The following ADAM20 variants were observed in gnomAD, a reference collection of about 807,000 sequenced individuals.
ADAM20 encodes disintegrin and metalloproteinase domain-containing protein 20.
For missense variants in ADAM20, 871 were observed against 883.2 expected (o/e 0.99, Z 0.18); for synonymous variants, 305 against 310.2 (o/e 0.98, Z 0.18).
chr14:70,563,430 A>G, the ADAM20 span, among the ~76,000 whole-genome samples: 1 of 152,206 alleles, frequency 6.6e-6, no homozygotes, highest in Non-Finnish European at 1.5e-5. Flanking sequence ...TTTGGACTGA[A>G]ATACCTGTGT....
chr14:70,578,212 T>C, the ADAM20 span, among the ~76,000 whole-genome samples: 1 of 152,166 alleles, frequency 6.6e-6, no homozygotes, highest in Non-Finnish European at 1.5e-5. Flanking sequence ...AAATGATCTT[T>C]GACAAAGTCA....
chr14:70,569,885 C>CAAAAAAAAAAAAA, the ADAM20 span, among the ~76,000 whole-genome samples: 4 of 76,188 alleles, frequency 5.3e-5, no homozygotes, highest in Admixed American at 1.8e-4. Context: ...AGAAAACTAA[C>CAAAAAAAAAAAAA]AAAAAAAAAA....
In ADAM20 at chr14:70,524,630, A is replaced by G; in HGVS notation, c.128T>C (p.Val43Ala). ...CCTGCTGATCACCTTCAAAGGGATCACCACTTCTGGAGAAGTGAAATACTG... is the reference window on the plus strand; with the variant it reads ...CCTGCTGATCACCTTCAAAGGGATCGCCACTTCTGGAGAAGTGAAATACTG... ...PSQYFTSPEV[V>A]IPLKVISRGR... The change falls in exon 2 of 2, where the codon GTG (valine) becomes GCG (alanine). Residue 43 changes from valine (V) to alanine (A), a missense_variant. Coordinates refer to ENST00000256389, the MANE Select transcript of ADAM20 (RefSeq NM_003814.5). 1 of 1,614,008 alleles carries G rather than the reference A, an allele frequency of 6.2e-7. No homozygotes were observed. Among genetic ancestry groups the G allele is most frequent in the East Asian group, 2.2e-5 (1 of 44,882 alleles).
At chr14:70,572,428 T>G in the ADAM20 span, among the ~76,000 whole-genome samples, 1 of 152,096 alleles carries the variant, frequency 6.6e-6, no homozygotes, top group Non-Finnish European at 1.5e-5. Flanking sequence ...CTTCTACCTC[T>G]CACCATATAC....
At chr14:70,558,198 A>G in the ADAM20 span, among the ~76,000 whole-genome samples, 1 of 152,238 alleles carries the variant, frequency 6.6e-6, no homozygotes, top group Non-Finnish European at 1.5e-5. Context: ...TAAGGATAAC[A>G]AAATAGCCAT....
At chr14:70,577,250 A>T in the ADAM20 span, among the ~76,000 whole-genome samples, 2 of 152,350 alleles carry the variant, frequency 1.3e-5, no homozygotes, top group Middle Eastern at 3.4e-3. Context: ...AATTAAACTC[A>T]ATAGTACATA....
the ADAM20 span, among the ~76,000 whole-genome samples, chr14:70,577,885 T>C: frequency 6.6e-6 from 1 of 152,116 alleles, no homozygotes; most frequent in Admixed American, 6.6e-5. Flanking sequence ...TAACTCAAAA[T>C]GGATCAAAGA....
In ADAM20 at chr14:70,524,452, C is replaced by G. The variant is rs780671362; in HGVS notation, c.306G>C (p.Gln102His). 2 of 1,614,040 alleles carry G rather than the reference C, an allele frequency of 1.2e-6. No individual in the cohort carries two copies. Among genetic ancestry groups the G allele is most frequent in the Non-Finnish European group, 1.7e-6 (2 of 1,179,944 alleles). ...AGTAGCAGTCATCCTGGATGAAGGG[C>G]TGATCCTGGAGCAGGGCATGCTGCT... Reference protein sequence around the residue: ...YTEQHALLQDQPFIQDDCYYH... With the variant: ...YTEQHALLQDHPFIQDDCYYH... The change falls in exon 2 of 2, where the codon CAG (glutamine) becomes CAC (histidine). Residue 102 changes from glutamine to histidine, a missense_variant. Coordinates refer to ENST00000256389, the MANE Select transcript of ADAM20 (RefSeq NM_003814.5).
chr14:70,531,868 A>G (rs1883718613), intron 1 of ADAM20, among the ~76,000 whole-genome samples: 2 of 152,268 alleles, frequency 1.3e-5, no homozygotes, highest in South Asian at 2.1e-4. Flanking sequence ...AAATAAATGG[A>G]AAGACATCTC....
intron 1 of ADAM20, 86 bp downstream of exon 1, chr14:70,534,711 A>G (rs1208979314): frequency 6.6e-6 from 1 of 152,238 alleles, no homozygotes; most frequent in Non-Finnish European, 1.5e-5. Flanking sequence ...AATTTCAGTC[A>G]TACAAGATGA....
At chr14:70,570,687 T>C in the ADAM20 span, among the ~76,000 whole-genome samples, 1 of 152,082 alleles carries the variant, frequency 6.6e-6, no homozygotes, top group East Asian at 1.9e-4. Context: ...TTCTACCAAA[T>C]GTTCAAAAAG....
the ADAM20 span, among the ~76,000 whole-genome samples, chr14:70,578,571 G>A: frequency 6.6e-6 from 1 of 152,164 alleles, no homozygotes; most frequent in South Asian, 2.1e-4. Context: ...CAGACTGGGA[G>A]AAATTATTTG....
At chr14:70,571,980 T>A in the ADAM20 span, among the ~76,000 whole-genome samples, 1 of 152,122 alleles carries the variant, frequency 6.6e-6, no homozygotes, top group South Asian at 2.1e-4. Flanking sequence ...AAATTATAGA[T>A]GATACAAACA....
intron 1 of ADAM20, among the ~76,000 whole-genome samples, chr14:70,528,543 G>T (rs1883641133): frequency 6.6e-6 from 1 of 152,184 alleles, no homozygotes; most frequent in Admixed American, 6.5e-5. Flanking sequence ...TGTCCAGGTA[G>T]AATTGGAGAA....
Position 70,524,017 on chromosome 14 carries a change from A to C in ADAM20, c.741T>G (p.Pro247=), listed in dbSNP as rs752290108. ...VVNIVDSFYH[P]LEVDVILTGI... is the part of the protein sequence containing the mutation. ...CAGTCAAAATTACATCAACCTCCAAAGGATGATAGAAGGAATCCACTATAT... is the reference window on the plus strand; with the variant it reads ...CAGTCAAAATTACATCAACCTCCAACGGATGATAGAAGGAATCCACTATAT... The change falls in exon 2 of 2, where the codon CCT becomes CCG. Residue 247 remains proline, a synonymous_variant. Coordinates refer to ENST00000256389, the MANE Select transcript of ADAM20 (RefSeq NM_003814.5). 10 of 1,613,962 alleles carry C rather than the reference A, an allele frequency of 6.2e-6. No homozygotes were observed. In the South Asian group the frequency reaches 1.1e-4, roughly 18 times the overall value.
the ADAM20 span, among the ~76,000 whole-genome samples, chr14:70,560,916 C>T: frequency 6.6e-6 from 1 of 152,122 alleles, no homozygotes; most frequent in Admixed American, 6.5e-5. Flanking sequence ...TGGACTAATA[C>T]AGAAAACTGG....
At chr14:70,532,436 C>A (rs957482540) in intron 1 of ADAM20, among the ~76,000 whole-genome samples, 3 of 151,952 alleles carry the variant, frequency 2.0e-5, no homozygotes, top group African/African-American at 7.3e-5. Context: ...GGCATGACAC[C>A]AAAAGCACGG....
the ADAM20 span, among the ~76,000 whole-genome samples, chr14:70,566,696 G>C: frequency 6.6e-6 from 1 of 152,140 alleles, no homozygotes; most frequent in Non-Finnish European, 1.5e-5. Flanking sequence ...AAGTAGGCGG[G>C]AGGCCGGGCG....
the ADAM20 span, among the ~76,000 whole-genome samples, chr14:70,560,223 A>C: frequency 6.6e-6 from 1 of 152,246 alleles, no homozygotes; most frequent in Non-Finnish European, 1.5e-5. Context: ...TCTTAAATGT[A>C]TTACTAAAAC....
Sources: gnomAD v4.1 joint callset for allele counts (sites outside exome capture counted in the v4.1 genomes callset) on GRCh38, gnomAD v4.1.1 for gene constraint, MANE v1.5 for transcripts, NCBI Gene and HGNC (gene_info 2026-07-23, HGNC 2026-07-21) for gene names.